The following HECW1 variants were observed in gnomAD, a reference collection of about 807,000 sequenced individuals.
HECW1 encodes E3 ubiquitin-protein ligase HECW1.
A neutral mutation model predicts 182.3 loss-of-function variants in HECW1; 61 were observed. That is an observed-to-expected ratio of 0.33 (90% CI 0.27 to 0.41). The LOEUF is 0.41. Ranked by LOEUF, HECW1 falls within the 10% of genes least tolerant of loss-of-function variation. HECW1 has a pLI of 1.00. For synonymous variants in HECW1, 859 were observed against 832.6 expected, an observed-to-expected ratio of 1.03 and a Z score of -0.55; for missense variants, 1,739 against 2,108.9, an observed-to-expected ratio of 0.82 and a Z score of 3.44.
intron 5 of HECW1, among the ~76,000 whole-genome samples, chr7:43,358,054 A>G (rs760020013): frequency 1.7e-4 from 26 of 152,204 alleles, no homozygotes; most frequent in Admixed American, 3.3e-4. Flanking sequence ...AAGGCATTGA[A>G]ATAATTTTTT....
At chr7:43,163,807 G>A (rs1790808771) in intron 2 of HECW1, among the ~76,000 whole-genome samples, 1 of 152,204 alleles carries the variant, frequency 6.6e-6, no homozygotes, top group African/African-American at 2.4e-5. Context: ...TGGTGGAGAT[G>A]TTTGGATTTG....
At position 43,550,603 on chromosome 7, in the gene HECW1, T is replaced by C; in HGVS notation, c.4395+12T>C. 6.3e-7 allele frequency: 1 copy of C among 1,589,498 alleles called. No homozygotes were observed. The highest frequency in any genetic ancestry group is 1.3e-5 in the African/African-American group (1 of 74,560). On this transcript the variant is annotated intron_variant, in intron 27 of 29. Transcript: ENST00000395891. ...GCGGCTTCTACGAGGTGAGGCCCGG[T>C]GGCCTGGGGAAGGCAAGCTGTGGCC...
At chr7:43,202,610 G>A (rs10280235) in intron 2 of HECW1, among the ~76,000 whole-genome samples, 87,412 of 151,486 alleles carry the variant, frequency 0.58, 25,316 homozygotes, top group African/African-American at 0.6. Flanking sequence ...AGGAGCTGGG[G>A]TTACAGGCAC....
chr7:43,426,027 A>G lies in HECW1; in HGVS notation c.802-11976A>G, dbSNP rs2076353256. Among the ~76,000 whole-genome samples the G allele has an allele frequency of 1.3e-5, 2 of 152,132 alleles. 1 individual carries two copies. Among genetic ancestry groups the G allele is most frequent in the African/African-American group, 4.8e-5 (2 of 41,434 alleles). The stretch of plus-strand genomic sequence containing the variant: ...TTTTCTCTGCAAGGATTATGGCTGC[A>G]TTGTTGGGACTGGGATGAGGAGAGA... On this transcript the variant is annotated intron_variant, in intron 8 of 29. Transcript: ENST00000395891.
intron 24 of HECW1, 34 bp from the exon 25 acceptor site, chr7:43,541,129 A>G: frequency 6.7e-7 from 1 of 1,502,454 alleles, no homozygotes; most frequent in Non-Finnish European, 9.3e-7. Flanking sequence ...GTAAATTTCC[A>G]CTTACCGATT....
chr7:43,176,219 A>T (rs1292224013), intron 2 of HECW1, among the ~76,000 whole-genome samples: 1 of 152,048 alleles, frequency 6.6e-6, no homozygotes, highest in Non-Finnish European at 1.5e-5. Context: ...TTTGTGGCTG[A>T]ACTGTAAAAG....
intron 24 of HECW1, among the ~76,000 whole-genome samples, chr7:43,532,691 C>G (rs555031561): frequency 6.6e-6 from 1 of 152,274 alleles, no homozygotes; most frequent in African/African-American, 2.4e-5. Flanking sequence ...TTACTCAGGT[C>G]CTGCATCATC....
chr7:43,256,352 G>A (rs1047848721), intron 3 of HECW1, among the ~76,000 whole-genome samples: 5 of 152,166 alleles, frequency 3.3e-5, no homozygotes, highest in African/African-American at 1.2e-4. Flanking sequence ...GTTCACACCT[G>A]TAATCCCAGC....
At chr7:43,433,276 C>T (rs142038192) in intron 8 of HECW1, among the ~76,000 whole-genome samples, 108 of 152,338 alleles carry the variant, frequency 7.1e-4, no homozygotes, top group African/African-American at 2.5e-3. Context: ...GAAATACTTT[C>T]CTAACTGTAA....
At chr7:43,117,034 G>A (rs1325751221) in intron 2 of HECW1, among the ~76,000 whole-genome samples, 3 of 152,184 alleles carry the variant, frequency 2.0e-5, no homozygotes, top group Non-Finnish European at 4.4e-5. Flanking sequence ...TGAGCCTTCT[G>A]TTAAAACTAT....
chr7:43,292,416 G>A (rs1169699377), intron 3 of HECW1, among the ~76,000 whole-genome samples: 1 of 152,228 alleles, frequency 6.6e-6, no homozygotes, highest in Non-Finnish European at 1.5e-5. Context: ...CTGGAAACCA[G>A]CCTTGATAAC....
At chr7:43,204,191 A>G (rs1232983363) in intron 2 of HECW1, among the ~76,000 whole-genome samples, 1 of 152,220 alleles carries the variant, frequency 6.6e-6, no homozygotes, top group Non-Finnish European at 1.5e-5. Flanking sequence ...TTGTTGCTCC[A>G]TCATTGTGTT....
intron 19 of HECW1, among the ~76,000 whole-genome samples, chr7:43,495,773 TG>T (rs755534426): frequency 6.6e-6 from 1 of 152,242 alleles, no homozygotes; most frequent in Non-Finnish European, 1.5e-5. Flanking sequence ...CATTCATTCA[TG>T]GGCTGCTCTT....
intron 3 of HECW1, among the ~76,000 whole-genome samples, chr7:43,300,934 T>C (rs936127258): frequency 2.0e-5 from 3 of 152,160 alleles, no homozygotes; most frequent in Non-Finnish European, 4.4e-5. Flanking sequence ...TCTGCCACGG[T>C]GCCACTTGTT....
At chr7:43,186,506 A>T (rs1233265882) in intron 2 of HECW1, among the ~76,000 whole-genome samples, 1 of 151,990 alleles carries the variant, frequency 6.6e-6, no homozygotes, top group Non-Finnish European at 1.5e-5. Flanking sequence ...TCTTTACTAA[A>T]AATACAAAAA....
rs17172180 is a variant in HECW1, at chr7:43,243,207, C to G, written c.-31-668C>G. 6.6e-6 allele frequency among the ~76,000 whole-genome samples: 1 copy of G among 152,212 alleles called. No homozygotes were observed. The highest frequency in any genetic ancestry group is 2.4e-5 in the African/African-American group (1 of 41,528). ...AATACCTGGATTAAGAGGGCCCTGA[C>G]AGATGATGCCGTCAGCAACTGTCCC... On this transcript the variant is annotated intron_variant, in intron 2 of 29. Transcript: ENST00000395891. The surrounding 1 kb of genome is among the most constrained non-coding windows in gnomAD (Gnocchi z 4.0).
At chr7:43,529,029 C>G (rs904134735) in intron 24 of HECW1, among the ~76,000 whole-genome samples, 2 of 152,062 alleles carry the variant, frequency 1.3e-5, no homozygotes, top group African/African-American at 2.4e-5. Context: ...AGAGAATAGA[C>G]CAAACCTACC....
chr7:43,180,617 G>A (rs1583846580), intron 2 of HECW1, among the ~76,000 whole-genome samples: 1 of 152,060 alleles, frequency 6.6e-6, no homozygotes, highest in East Asian at 1.9e-4. Flanking sequence ...GGATGGTCTC[G>A]ACCTCCTGAC....
At chr7:43,153,535 G>A (rs1180295702) in intron 2 of HECW1, among the ~76,000 whole-genome samples, 1 of 152,182 alleles carries the variant, frequency 6.6e-6, no homozygotes, top group Admixed American at 6.5e-5. Context: ...TCAGTTCAGA[G>A]CCCTCTTGTC....
Sources: allele counts gnomAD v4.1 joint callset (sites outside exome capture counted in the v4.1 genomes callset), GRCh38; gene constraint gnomAD v4.1.1; non-coding constraint Gnocchi (gnomAD v3.1); transcripts MANE v1.5; gene names NCBI Gene and HGNC (gene_info 2026-07-23, HGNC 2026-07-21).